Variants in RALYL observed in about 807,000 individuals in gnomAD.
RALYL encodes RNA-binding Raly-like protein.
RALYL carries 29 observed loss-of-function variants against 35.1 expected under a neutral mutation model. The observed-to-expected ratio is 0.83, with a 90% CI of 0.61 to 1.13. The LOEUF (loss-of-function observed/expected upper bound fraction) is 1.13, where lower values mean the gene tolerates loss of function less well. Among genes scored for constraint, RALYL ranks in the 50% most tolerant of loss-of-function variants. The pLI is 0.00. For missense variants in RALYL, 359 were observed against 360.4 expected (o/e 1.00, Z 0.03); for synonymous variants, 120 against 127.6 (o/e 0.94, Z 0.40).
chr8:84,491,620 C>G (rs1237413888), intron 1 of RALYL, among the ~76,000 whole-genome samples: 1 of 151,878 alleles, frequency 6.6e-6, no homozygotes, highest in Admixed American at 6.6e-5. Flanking sequence ...CAGAATTTCC[C>G]CTTGCTTTAA....
At chr8:84,744,968 A>T (rs186424995) in intron 2 of RALYL, among the ~76,000 whole-genome samples, 1 of 152,140 alleles carries the variant, frequency 6.6e-6, no homozygotes, top group East Asian at 1.9e-4. Flanking sequence ...GTATTCTTAC[A>T]CATAAATTCA....
chr8:84,786,651 C>A (rs1363066716), intron 3 of RALYL, among the ~76,000 whole-genome samples: 1 of 152,068 alleles, frequency 6.6e-6, no homozygotes, highest in Non-Finnish European at 1.5e-5. Context: ...CTGTTCATGT[C>A]CTTTACCTAC....
intron 2 of RALYL, among the ~76,000 whole-genome samples, chr8:84,576,885 C>T (rs1289918805): frequency 6.6e-6 from 1 of 152,172 alleles, no homozygotes; most frequent in Non-Finnish European, 1.5e-5. Context: ...CTTAATTAGT[C>T]CTTTGCACTG....
chr8:84,419,697 TC>T lies in RALYL; in HGVS notation c.-23-109596del, dbSNP rs1003171059. ...ATCTCCCAATGCTGTCCCTCCCCCC[TC>T]CCCCCACCCCACAACAGTCCCCAGA... On this transcript the variant is annotated intron_variant, in intron 1 of 8. Transcript: ENST00000521268. Among the ~76,000 whole-genome samples, 25 of 69,604 alleles carry T rather than the reference TC, an allele frequency of 3.6e-4. No homozygotes were observed. In the East Asian group the frequency reaches 7.9e-3, roughly 22 times the overall value. 45.7% of individuals were successfully genotyped at this position (69,604 alleles called of 152,430 possible).
At chr8:84,348,419 C>T (rs1850247848) in intron 1 of RALYL, among the ~76,000 whole-genome samples, 1 of 152,058 alleles carries the variant, frequency 6.6e-6, no homozygotes, top group South Asian at 2.1e-4. Flanking sequence ...CTTGCAAGAG[C>T]TCACTGCATG....
At chr8:84,319,528 G>T (rs1202777433) in intron 1 of RALYL, among the ~76,000 whole-genome samples, 1 of 152,070 alleles carries the variant, frequency 6.6e-6, no homozygotes, top group Non-Finnish European at 1.5e-5. Flanking sequence ...TTCAGACAGA[G>T]GAAGGCTTCT....
At chr8:84,216,038 A>G (rs1160749774) in intron 1 of RALYL, among the ~76,000 whole-genome samples, 1 of 152,110 alleles carries the variant, frequency 6.6e-6, no homozygotes, top group Non-Finnish European at 1.5e-5. Context: ...TCAGTAAACA[A>G]TGCCACATTT....
At chr8:84,566,549 T>C (rs1344346685) in intron 2 of RALYL, among the ~76,000 whole-genome samples, 3 of 151,626 alleles carry the variant, frequency 2.0e-5, no homozygotes, top group Non-Finnish European at 4.4e-5. Context: ...ATTTTATTCA[T>C]TTACTACAAA....
At chr8:84,617,949 G>T (rs956799239) in intron 2 of RALYL, among the ~76,000 whole-genome samples, 2 of 151,814 alleles carry the variant, frequency 1.3e-5, no homozygotes, top group African/African-American at 4.9e-5. Flanking sequence ...AAGCCCACTT[G>T]ATCATGGTGG....
intron 3 of RALYL, among the ~76,000 whole-genome samples, chr8:84,800,758 AT>A (rs759799201): frequency 2.6e-5 from 4 of 152,182 alleles, no homozygotes; most frequent in Non-Finnish European, 5.9e-5. Context: ...TTGATAAATA[AT>A]TTTCTACAAA....
chr8:84,352,631 G>A (rs1429779230), intron 1 of RALYL, among the ~76,000 whole-genome samples: 2 of 150,320 alleles, frequency 1.3e-5, no homozygotes, highest in Non-Finnish European at 3.0e-5. Flanking sequence ...AACTATTAAT[G>A]AAATGGAAGG....
intron 2 of RALYL, among the ~76,000 whole-genome samples, chr8:84,744,033 C>A (rs921121319): frequency 5.9e-5 from 9 of 151,926 alleles, no homozygotes; most frequent in Non-Finnish European, 1.0e-4. Flanking sequence ...GATTGCACAG[C>A]AATGTGTATC....
At chr8:84,405,152 T>C (rs909496783) in intron 1 of RALYL, among the ~76,000 whole-genome samples, 7 of 152,112 alleles carry the variant, frequency 4.6e-5, no homozygotes, top group Non-Finnish European at 8.8e-5. Context: ...AATAAAGATG[T>C]TTCTTGAAAC....
At chr8:84,500,716 A>G (rs2134208159) in intron 1 of RALYL, among the ~76,000 whole-genome samples, 1 of 152,262 alleles carries the variant, frequency 6.6e-6, no homozygotes, top group South Asian at 2.1e-4. Context: ...AGACTGTGTA[A>G]TCATATTAGA....
At chr8:84,792,375 C>T (rs1820989001) in intron 3 of RALYL, among the ~76,000 whole-genome samples, 1 of 152,200 alleles carries the variant, frequency 6.6e-6, no homozygotes, top group African/African-American at 2.4e-5. Flanking sequence ...CCCAGCCAAA[C>T]TCCTCTTGGT....
At chr8:84,636,967 G>A (rs1825199205) in intron 2 of RALYL, among the ~76,000 whole-genome samples, 1 of 151,822 alleles carries the variant, frequency 6.6e-6, no homozygotes, top group Non-Finnish European at 1.5e-5. Flanking sequence ...ATTCTGCTGT[G>A]GCTGGTCTTC....
intron 1 of RALYL, among the ~76,000 whole-genome samples, chr8:84,489,759 C>A (rs2055052845): frequency 6.6e-6 from 1 of 151,780 alleles, no homozygotes; most frequent in Admixed American, 6.6e-5. Context: ...CAATGCCATG[C>A]CATGAGAAAG....
chr8:84,545,507 G>A (rs543097817), intron 2 of RALYL, among the ~76,000 whole-genome samples: 1 of 151,810 alleles, frequency 6.6e-6, no homozygotes, highest in Non-Finnish European at 1.5e-5. Context: ...AAACATAAAG[G>A]GTTGACAACT....
At chr8:84,223,968 A>G (rs2131344772) in intron 1 of RALYL, among the ~76,000 whole-genome samples, 1 of 152,326 alleles carries the variant, frequency 6.6e-6, no homozygotes, top group Non-Finnish European at 1.5e-5. Context: ...CCTTATGGCC[A>G]GTAGCTTACT....
Sources: allele counts gnomAD v4.1 joint callset (sites outside exome capture counted in the v4.1 genomes callset), GRCh38; gene constraint gnomAD v4.1.1; transcripts MANE v1.5; gene names NCBI Gene and HGNC (gene_info 2026-07-23, HGNC 2026-07-21).